CDKAL1: variants seen among roughly 807,000 people sequenced by gnomAD.
CDKAL1 encodes the protein threonylcarbamoyladenosine tRNA methylthiotransferase.
Under a neutral mutation model 68.2 loss-of-function variants are expected in CDKAL1, and 32 were observed. The observed-to-expected ratio is 0.47, with a 90% CI of 0.35 to 0.63. CDKAL1 has a LOEUF of 0.63. CDKAL1 is among the 30% of genes least tolerant of loss of function. The pLI, the probability that CDKAL1 is intolerant of heterozygous loss-of-function variation, is 0.00. For missense variants in CDKAL1, 606 were observed against 696.7 expected (o/e 0.87, Z 1.47); for synonymous variants, 234 against 244.3 (o/e 0.96, Z 0.39).
chr6:21,152,366 G>C (rs981483800), intron 13 of CDKAL1, among the ~76,000 whole-genome samples: 28 of 152,128 alleles, frequency 1.8e-4, no homozygotes, highest in Admixed American at 4.6e-4. Flanking sequence ...CCATTAATTT[G>C]CTAAACATGA....
chr6:20,822,232 A>C (rs932218413), intron 8 of CDKAL1, among the ~76,000 whole-genome samples: 7 of 152,190 alleles, frequency 4.6e-5, no homozygotes, highest in African/African-American at 1.7e-4. Flanking sequence ...CCATTTGACA[A>C]GTTGTTATAA....
At chr6:20,846,981 G>T (rs143163624) in intron 9 of CDKAL1, among the ~76,000 whole-genome samples, 1 of 152,122 alleles carries the variant, frequency 6.6e-6, no homozygotes, top group Admixed American at 6.5e-5. Context: ...TTTTTGTCAA[G>T]TAACTTGGAG....
chr6:20,549,917 A>G (rs912136281), intron 4 of CDKAL1, among the ~76,000 whole-genome samples: 8 of 151,762 alleles, frequency 5.3e-5, no homozygotes, highest in African/African-American at 1.9e-4. Context: ...TCCTCTTTAC[A>G]TTTATTAATT....
chr6:20,902,269 G>A (rs1313784483), intron 9 of CDKAL1, among the ~76,000 whole-genome samples: 2 of 151,474 alleles, frequency 1.3e-5, no homozygotes, highest in Non-Finnish European at 2.9e-5. Context: ...TGTAAGTGGA[G>A]GGACCAGAGA....
intron 5 of CDKAL1, among the ~76,000 whole-genome samples, chr6:20,657,683 G>C (rs1170822712): frequency 6.6e-6 from 1 of 152,064 alleles, no homozygotes; most frequent in Non-Finnish European, 1.5e-5. Context: ...GTTATGGACT[G>C]AATTATTTTG....
intron 13 of CDKAL1, among the ~76,000 whole-genome samples, chr6:21,144,769 C>T (rs1776084089): frequency 6.6e-6 from 1 of 152,076 alleles, no homozygotes; most frequent in African/African-American, 2.4e-5. Flanking sequence ...TGCCTTTGCA[C>T]TCCAGCCTGG....
chr6:21,194,051 C>T (rs1778367756), intron 13 of CDKAL1, among the ~76,000 whole-genome samples: 1 of 152,214 alleles, frequency 6.6e-6, no homozygotes, highest in Non-Finnish European at 1.5e-5. Context: ...ACACGAAAGG[C>T]AGCCTCACAT....
intron 5 of CDKAL1, among the ~76,000 whole-genome samples, chr6:20,721,725 G>GTTT (rs145893325): frequency 0.051 from 3,435 of 67,426 alleles, 513 homozygotes; most frequent in African/African-American, 0.1. Flanking sequence ...ACCAACTTCT[G>GTTT]TTTTTTTTTT....
At chr6:20,726,464 A>G (rs1371826330) in intron 5 of CDKAL1, among the ~76,000 whole-genome samples, 2 of 152,244 alleles carry the variant, frequency 1.3e-5, no homozygotes, top group Admixed American at 1.3e-4. Context: ...GCCTGGAGCC[A>G]TGGTCACTCA....
At chr6:21,147,801 A>AT (rs11405792) in intron 13 of CDKAL1, among the ~76,000 whole-genome samples, 42,016 of 151,664 alleles carry the variant, frequency 0.28, 5,743 homozygotes, top group East Asian at 0.35. Flanking sequence ...CTATAAAATG[A>AT]TTTTTTTTTG....
intron 9 of CDKAL1, among the ~76,000 whole-genome samples, chr6:20,893,439 A>T (rs767450418): frequency 1.3e-5 from 2 of 152,284 alleles, no homozygotes; most frequent in South Asian, 4.1e-4. Context: ...AGAGTAAGGG[A>T]TATATGTGTA....
chr6:20,612,998 C>T (rs1766692670), intron 4 of CDKAL1, among the ~76,000 whole-genome samples: 1 of 23,242 alleles, frequency 4.3e-5, no homozygotes. Flanking sequence ...TCTACACACA[C>T]ACACACACAC....
chr6:20,893,879 TATA>T (rs1761540906), intron 9 of CDKAL1, among the ~76,000 whole-genome samples: 1 of 152,166 alleles, frequency 6.6e-6, no homozygotes, highest in African/African-American at 2.4e-5. Flanking sequence ...TGAGTAATTG[TATA>T]GTAGTATGTG....
intron 2 of CDKAL1, among the ~76,000 whole-genome samples, chr6:20,541,321 T>C (rs1281308987): frequency 6.6e-6 from 1 of 152,208 alleles, no homozygotes; most frequent in Non-Finnish European, 1.5e-5. Flanking sequence ...TGCATTTGGC[T>C]TCAGGCATTT....
chr6:21,022,668 C>T (rs554682521), intron 11 of CDKAL1, among the ~76,000 whole-genome samples: 20 of 152,300 alleles, frequency 1.3e-4, no homozygotes, highest in Middle Eastern at 3.4e-3. Context: ...ACTGCAGACT[C>T]CACGGCCTGG....
Position 20,654,767 on chromosome 6 carries a change from T to C in CDKAL1, c.371+5390T>C, listed in dbSNP as rs186641310. 2.0e-4 allele frequency among the ~76,000 whole-genome samples: 30 copies of C among 152,326 alleles called. No homozygotes were observed. The East Asian group carries it at 5.2e-3, about 26-fold the overall frequency. ...CACCCTCTCATATGTTGAGTGTCCA[T>C]AGATGTTTGAATCTGTTCTGGGTCC... is the stretch of plus-strand genomic sequence containing the variant. On this transcript the variant is annotated intron_variant, in intron 5 of 15. Coordinates refer to ENST00000274695, the MANE Select transcript of CDKAL1 (RefSeq NM_017774.3).
chr6:21,122,803 G>GTTT (rs66935416), intron 13 of CDKAL1, among the ~76,000 whole-genome samples: 29 of 105,802 alleles, frequency 2.7e-4, no homozygotes, highest in African/African-American at 8.8e-4. Flanking sequence ...CCCCAGTTAG[G>GTTT]TTTTTTTTTT....
intron 6 of CDKAL1, among the ~76,000 whole-genome samples, chr6:20,746,890 AT>A (rs1773685633): frequency 6.6e-6 from 1 of 152,080 alleles, no homozygotes; most frequent in Non-Finnish European, 1.5e-5. Flanking sequence ...CTCTTAGCAG[AT>A]TTTCAGTATA....
At chr6:21,003,371 T>TATATATATATACAC in intron 11 of CDKAL1, among the ~76,000 whole-genome samples, 643 of 48,890 alleles carry the variant, frequency 0.013, 24 homozygotes, top group Middle Eastern at 0.027. Context: ...TATATATATA[T>TATATATATATACAC]ACACACACAC....
Sources: allele counts gnomAD v4.1 joint callset (sites outside exome capture counted in the v4.1 genomes callset), GRCh38; gene constraint gnomAD v4.1.1; transcripts MANE v1.5; gene names NCBI Gene and HGNC (gene_info 2026-07-23, HGNC 2026-07-21).